The following LLGL1 variants were observed in gnomAD, a reference collection of about 807,000 sequenced individuals.
The protein encoded by LLGL1 is lethal(2) giant larvae protein homolog 1.
In LLGL1, 58 loss-of-function variants were observed where a neutral mutation model predicts 110.6. The observed-to-expected ratio is 0.52, with a 90% CI of 0.42 to 0.65. LLGL1 has a LOEUF of 0.65. LLGL1 is among the 30% of genes least tolerant of loss of function. The pLI, the probability that LLGL1 is intolerant of heterozygous loss-of-function variation, is 0.00. For synonymous variants in LLGL1, 674 were observed against 607.2 expected (o/e 1.11, Z -1.62); for missense variants, 1,229 against 1,462.1 (o/e 0.84, Z 2.60).
At chr17:18,239,779 G>A (rs543499246) in intron 16 of LLGL1, among the ~76,000 whole-genome samples, 1 of 151,982 alleles carries the variant, frequency 6.6e-6, no homozygotes, top group Admixed American at 6.6e-5. Context: ...TGACTACAAA[G>A]ACCTAGAAGA....
chr17:18,234,388 C>T lies in LLGL1; in HGVS notation c.830C>T (p.Thr277Met), dbSNP rs541724642. Residue 277 changes from threonine to methionine, a missense_variant, in exon 7 of 23, where the codon ACG (threonine) becomes ATG (methionine). Transcript: ENST00000316843. ...GGCAGCTTCCCAACGCTGCAGCCCA[C>T]GGTAGCCACCACACCTTACGGTGAG... ...DAGSFPTLQP[T>M]VATTPYGPFP... The T allele has an allele frequency of 7.8e-5, 125 of 1,612,126 alleles. No individual in the cohort carries two copies. The highest frequency in any genetic ancestry group is 5.1e-4 in the East Asian group (23 of 44,868).
rs763698681 is a variant in LLGL1, at chr17:18,238,607, A to T, written c.2204A>T (p.Asp735Val). The part of the protein sequence containing the change: ...CLYFADTFLR[D>V]GAHHGPTMWA... ...TACTTTGCCGACACATTCCTTCGAG[A>T]TGGTAAGGCAGGGGCAGGGGCAGGG... Residue 735 changes from aspartate to valine, a missense_variant and splice_region_variant, in exon 16 of 23, where the codon GAT becomes GTT. Physicochemically the swap from Asp to Val is radical, Grantham distance 152. Coordinates refer to ENST00000316843, the MANE Select transcript of LLGL1 (RefSeq NM_004140.4). The T allele has an allele frequency of 1.2e-6, 2 of 1,610,740 alleles. No homozygotes were observed. Among genetic ancestry groups the T allele is most frequent in the Non-Finnish European group, 8.5e-7 (1 of 1,179,128 alleles).
rs1052369356 is a variant in LLGL1, at chr17:18,234,386, C to T, written c.828C>T (p.Pro276=). The change falls in exon 7 of 23, where the codon CCC becomes CCT. Residue 276 remains proline (P), a synonymous_variant. Coordinates refer to ENST00000316843, the MANE Select transcript of LLGL1 (RefSeq NM_004140.4). ...VDAGSFPTLQ[P]TVATTPYGPF... is the part of the protein sequence containing the mutation. ...CCGGCAGCTTCCCAACGCTGCAGCC[C>T]ACGGTAGCCACCACACCTTACGGTG... is the stretch of plus-strand genomic sequence containing the variant. 6 of 1,612,168 alleles carry T rather than the reference C, an allele frequency of 3.7e-6. No homozygotes were observed. Among genetic ancestry groups the T allele is most frequent in the Non-Finnish European group, 5.1e-6 (6 of 1,179,840 alleles).
chr17:18,243,256 C>T (rs1050168959), intron 22 of LLGL1, among the ~76,000 whole-genome samples: 1 of 152,112 alleles, frequency 6.6e-6, no homozygotes, highest in African/African-American at 2.4e-5. Flanking sequence ...TACAGGCGCC[C>T]GCCACCACAC....
At chr17:18,226,397 C>A (rs1242669800) in intron 1 of LLGL1, among the ~76,000 whole-genome samples, 1 of 152,070 alleles carries the variant, frequency 6.6e-6, no homozygotes, top group Non-Finnish European at 1.5e-5. Context: ...CTTTGGCACC[C>A]AGGAGGGTGA....
intron 2 of LLGL1, among the ~76,000 whole-genome samples, chr17:18,231,915 C>T (rs921853639): frequency 6.6e-6 from 1 of 152,196 alleles, no homozygotes; most frequent in Non-Finnish European, 1.5e-5. Flanking sequence ...GCCTCGGCCT[C>T]CCAAAGTGCT....
At chr17:18,243,407 A>C (rs11867895) in intron 22 of LLGL1, among the ~76,000 whole-genome samples, 33,541 of 152,176 alleles carry the variant, frequency 0.22, 3,901 homozygotes, top group East Asian at 0.31. Flanking sequence ...GCACCCGGCC[A>C]ACAAGACCAG....
intron 13 of LLGL1, 115 bp from the exon 14 acceptor site, chr17:18,237,366 A>G (rs2047715950): frequency 9.9e-7 from 1 of 1,010,626 alleles, no homozygotes. Context: ...AACTGAAGAC[A>G]GTCCTAGAAC....
chr17:18,226,039 G>T (rs2047433070), intron 1 of LLGL1, among the ~76,000 whole-genome samples: 2 of 152,168 alleles, frequency 1.3e-5, no homozygotes, highest in South Asian at 4.1e-4. Context: ...TGTGTGTGGG[G>T]GTCTGTCTCT....
At position 18,234,362 on chromosome 17, in the gene LLGL1, C is replaced by T. The variant is rs759279290; in HGVS notation, c.804C>T (p.Ala268=). 31 of 1,612,032 alleles carry T rather than the reference C, an allele frequency of 1.9e-5. No individual in the cohort carries two copies. The highest frequency in any genetic ancestry group is 3.3e-5 in the South Asian group (3 of 90,966). The change falls in exon 7 of 23, where the codon GCC becomes GCT. Residue 268 remains alanine (A), a synonymous_variant. Transcript: ENST00000316843. ...GCTATGCTGTCTGGTCTGTGGATGC[C>T]GGCAGCTTCCCAACGCTGCAGCCCA... is the stretch of plus-strand genomic sequence containing the variant. ...DGSYAVWSVD[A]GSFPTLQPTV...
At position 18,240,650 on chromosome 17, in the gene LLGL1, C is replaced by T. The variant is rs779030616; in HGVS notation, c.2279C>T (p.Pro760Leu). The T allele has an allele frequency of 6.8e-6, 11 of 1,613,032 alleles. No homozygotes were observed. Among genetic ancestry groups the T allele is most frequent in the Admixed American group, 3.3e-5 (2 of 60,012 alleles). ...GSVFAYALEVPAAAVGGEKRP... is the reference protein window; with the variant it reads ...GSVFAYALEVLAAAVGGEKRP... ...GTGTTCGCCTATGCACTGGAGGTGC[C>T]GGCAGCAGCAGTGGGTGGTGAGAAG... Residue 760 changes from proline to leucine, a missense_variant, in exon 17 of 23, where the codon CCG becomes CTG. Coordinates refer to ENST00000316843, the MANE Select transcript of LLGL1 (RefSeq NM_004140.4). The surrounding 1 kb of genome is among the most constrained non-coding windows in gnomAD (Gnocchi z 5.3).
chr17:18,229,215 C>T (rs921585993), intron 1 of LLGL1, among the ~76,000 whole-genome samples: 2 of 151,996 alleles, frequency 1.3e-5, no homozygotes, highest in Admixed American at 1.3e-4. Flanking sequence ...GTGAAAGGGG[C>T]AGGGGAGCGG....
chr17:18,242,652 A>T, intron 21 of LLGL1, 24 bp downstream of exon 21: 1 of 1,590,460 alleles, frequency 6.3e-7, no homozygotes, highest in Non-Finnish European at 8.6e-7. Flanking sequence ...GCAGGTCCAC[A>T]GGGGGGGCTG....
intron 1 of LLGL1, among the ~76,000 whole-genome samples, chr17:18,229,583 C>T (rs1299184503): frequency 6.6e-6 from 1 of 152,176 alleles, no homozygotes; most frequent in African/African-American, 2.4e-5. Flanking sequence ...CTCATCAGTG[C>T]CTGCACCTCT....
intron 22 of LLGL1, among the ~76,000 whole-genome samples, 175 bp from the exon 23 acceptor site, chr17:18,243,733 G>A (rs1272395945): frequency 6.6e-6 from 1 of 152,200 alleles, no homozygotes; most frequent in Non-Finnish European, 1.5e-5. Flanking sequence ...GTGGCCTGGC[G>A]CTTGGATACC....
rs573194779 is a variant in LLGL1 at position 18,240,184 on chromosome 17, G to A, written c.2207-394G>A. On this transcript the variant is annotated intron_variant, in intron 16 of 22. Coordinates refer to ENST00000316843, the MANE Select transcript of LLGL1 (RefSeq NM_004140.4). This position sits in a 1 kb window ranked among gnomAD's most constrained non-coding sequence, Gnocchi z 5.3. ...GGACGCAGGGGTGGAGAGAGGAGTC[G>A]GGGTCTTGTGGGGCTTGGGGCCTGA... 5.3e-5 allele frequency among the ~76,000 whole-genome samples: 8 copies of A among 152,106 alleles called. No individual in the cohort carries two copies. The highest frequency in any genetic ancestry group is 7.4e-5 in the Non-Finnish European group (5 of 68,014).
Position 18,241,725 on chromosome 17 carries a change from G to A in LLGL1, c.2767+10G>A. 1 of 1,611,486 alleles carries A rather than the reference G, an allele frequency of 6.2e-7. No homozygotes were observed. Among genetic ancestry groups the A allele is most frequent in the Non-Finnish European group, 8.5e-7 (1 of 1,178,700 alleles). On this transcript the variant is annotated intron_variant, in intron 18 of 22. Coordinates refer to ENST00000316843, the MANE Select transcript of LLGL1 (RefSeq NM_004140.4). Reference sequence around the variant, plus strand: ...ACGCGCCATGGCCAGGGTGAGGCGGGGCAGAGGCCGAGGAGGCCTTCCTCA... The same window carrying A: ...ACGCGCCATGGCCAGGGTGAGGCGGAGCAGAGGCCGAGGAGGCCTTCCTCA...
intron 4 of LLGL1, among the ~76,000 whole-genome samples, chr17:18,233,089 G>C (rs952517649): frequency 6.6e-6 from 1 of 152,224 alleles, no homozygotes; most frequent in Non-Finnish European, 1.5e-5. Context: ...TAGGACCTGA[G>C]GCCTGGCACT....
intron 11 of LLGL1, 186 bp from the exon 12 acceptor site, chr17:18,236,421 A>G (rs1597870697): frequency 1.0e-5 from 6 of 602,898 alleles, no homozygotes; most frequent in East Asian, 2.8e-5. Context: ...GGCCTGGCCT[A>G]TAACAGGTGC....
Sources: gnomAD v4.1 joint callset for allele counts (sites outside exome capture counted in the v4.1 genomes callset) on GRCh38, gnomAD v4.1.1 for gene constraint, Gnocchi (gnomAD v3.1) non-coding constraint, MANE v1.5 for transcripts, NCBI Gene and HGNC (gene_info 2026-07-23, HGNC 2026-07-21) for gene names.